HECW2: variants seen among roughly 807,000 people sequenced by gnomAD.
HECW2 encodes the protein E3 ubiquitin-protein ligase HECW2.
In HECW2, 61 loss-of-function variants were observed where a neutral mutation model predicts 175.2. The observed-to-expected ratio is 0.35, with a 90% CI of 0.28 to 0.43. The LOEUF is 0.43. HECW2 is among the 20% of genes least tolerant of loss of function. The pLI, the probability that HECW2 is intolerant of heterozygous loss-of-function variation, is 1.00. For missense variants in HECW2, 1,524 were observed against 2,000.5 expected (o/e 0.76, Z 4.54); for synonymous variants, 671 against 731.0 (o/e 0.92, Z 1.32).
chr2:196,475,265 C>G (rs1686530637), intron 1 of HECW2, among the ~76,000 whole-genome samples: 1 of 151,274 alleles, frequency 6.6e-6, no homozygotes, highest in Non-Finnish European at 1.5e-5. Flanking sequence ...ACCATTTATG[C>G]TAGAATTCCT....
intron 2 of HECW2, among the ~76,000 whole-genome samples, chr2:196,408,886 C>T (rs1171589344): frequency 6.6e-6 from 1 of 152,176 alleles, no homozygotes; most frequent in African/African-American, 2.4e-5. Flanking sequence ...TCTCCCATCG[C>T]CATAAGGGGC....
intron 1 of HECW2, among the ~76,000 whole-genome samples, chr2:196,555,158 G>C (rs1305640015): frequency 6.6e-6 from 1 of 152,054 alleles, no homozygotes; most frequent in Non-Finnish European, 1.5e-5. Context: ...TTTCTGTTTG[G>C]ACTGCTATAA....
intron 1 of HECW2, among the ~76,000 whole-genome samples, chr2:196,551,594 GTATAA>G (rs1221097191): frequency 1.3e-5 from 2 of 151,950 alleles, no homozygotes; most frequent in Admixed American, 6.6e-5. Context: ...CTTTATACTG[GTATAA>G]TATAATTTTT....
intron 10 of HECW2, among the ~76,000 whole-genome samples, chr2:196,309,263 A>G (rs1394132274): frequency 6.6e-6 from 1 of 152,210 alleles, no homozygotes; most frequent in African/African-American, 2.4e-5. Flanking sequence ...AGGAGCAGAA[A>G]GACATCTTTT....
At chr2:196,475,686 C>A (rs571721555) in intron 1 of HECW2, among the ~76,000 whole-genome samples, 1 of 152,342 alleles carries the variant, frequency 6.6e-6, no homozygotes, top group African/African-American at 2.4e-5. Context: ...CTTTCTAAAG[C>A]ACTGCAATAA....
intron 2 of HECW2, among the ~76,000 whole-genome samples, chr2:196,359,287 A>C (rs930693178): frequency 2.0e-5 from 3 of 152,150 alleles, no homozygotes; most frequent in Non-Finnish European, 4.4e-5. Flanking sequence ...GTTTCTACTG[A>C]AAATACAAAA....
At chr2:196,498,961 C>A (rs939353715) in intron 1 of HECW2, among the ~76,000 whole-genome samples, 17 of 152,262 alleles carry the variant, frequency 1.1e-4, no homozygotes, top group African/African-American at 4.1e-4. Context: ...TGACTCAGCA[C>A]AAGAAGACAG....
At chr2:196,288,303 T>TA (rs1454077802) in intron 14 of HECW2, 1 of 152,152 alleles carries the variant, frequency 6.6e-6, no homozygotes, top group African/African-American at 2.4e-5. Context: ...ATTCCACTGA[T>TA]ACAGCAAGAG....
chr2:196,281,425 C>T (rs1306588543), intron 14 of HECW2, among the ~76,000 whole-genome samples: 1 of 151,932 alleles, frequency 6.6e-6, no homozygotes, highest in Non-Finnish European at 1.5e-5. Context: ...ATCGCTTGAG[C>T]TCAGAAGTTC....
chr2:196,412,679 T>G (rs79607798), intron 2 of HECW2, among the ~76,000 whole-genome samples: 14 of 152,250 alleles, frequency 9.2e-5, no homozygotes, highest in African/African-American at 3.4e-4. Flanking sequence ...TACTGCCACA[T>G]CTTGATGCTA....
At chr2:196,481,633 T>C (rs1686847586) in intron 1 of HECW2, among the ~76,000 whole-genome samples, 1 of 152,242 alleles carries the variant, frequency 6.6e-6, no homozygotes, top group Non-Finnish European at 1.5e-5. Flanking sequence ...CGGACTTTCA[T>C]AAAACAAGCT....
intron 2 of HECW2, among the ~76,000 whole-genome samples, chr2:196,422,735 T>A (rs963471365): frequency 6.6e-6 from 1 of 152,188 alleles, no homozygotes; most frequent in African/African-American, 2.4e-5. Context: ...TCTTACTTTC[T>A]AAGAGCATTT....
intron 1 of HECW2, among the ~76,000 whole-genome samples, chr2:196,570,448 A>T (rs770428657): frequency 3.3e-5 from 5 of 152,208 alleles, no homozygotes; most frequent in Admixed American, 6.5e-5. Flanking sequence ...AACTATCACA[A>T]GGACAGAAAC....
intron 17 of HECW2, among the ~76,000 whole-genome samples, chr2:196,259,041 T>C (rs1575311313): frequency 6.6e-6 from 1 of 152,222 alleles, no homozygotes; most frequent in Non-Finnish European, 1.5e-5. Context: ...TGGCATGATC[T>C]TGGCTCACTG....
chr2:196,372,034 C>T (rs1349638070), intron 2 of HECW2, among the ~76,000 whole-genome samples: 4 of 152,140 alleles, frequency 2.6e-5, no homozygotes, highest in African/African-American at 4.8e-5. Context: ...TGAGTCTTAA[C>T]ATTTGAGGAT....
chr2:196,312,508 C>T (rs1238940362), intron 10 of HECW2, among the ~76,000 whole-genome samples: 1 of 152,042 alleles, frequency 6.6e-6, no homozygotes, highest in African/African-American at 2.4e-5. Context: ...AAGTAAAATT[C>T]CATTTGTATA....
Position 196,318,624 on chromosome 2 carries a change from C to G in HECW2, c.2266G>C (p.Glu756Gln). ...TGGGCCTCCCCAGCACTGCCTTCTT[C>G]TTGCGGTGGGCTCTCGGCAGCAGCT... The part of the protein sequence containing the change: ...AAAAAESPPQ[E>Q]EGSAGEAQGT... Residue 756 changes from glutamate to glutamine, a missense_variant, in exon 9 of 29, where the codon GAA (glutamate) becomes CAA (glutamine). Transcript: ENST00000644978. 1 of 1,589,156 alleles carries G rather than the reference C, an allele frequency of 6.3e-7. No homozygotes were observed.
At position 196,433,305 on chromosome 2, in the gene HECW2, T is replaced by C. The variant is rs764097714; in HGVS notation, c.119A>G (p.Asn40Ser). Residue 40 changes from asparagine (N) to serine (S), a missense_variant, in exon 2 of 29, where the codon AAC becomes AGC. Asn to Ser is a conservative substitution (Grantham distance 46). Transcript: ENST00000644978. ...SLAAQSSMPENMTLQRANSDT... is the reference protein window; with the variant it reads ...SLAAQSSMPESMTLQRANSDT... ...GCTGTTGGCCCGCTGCAGGGTCATG[T>C]TCTCTGGCATGGAGCTCTGGGCGGC... 4 of 1,614,162 alleles carry C rather than the reference T, an allele frequency of 2.5e-6. No individual in the cohort carries two copies. In the South Asian group the frequency reaches 4.4e-5, roughly 18 times the overall value.
At chr2:196,473,998 A>G (rs1697322149) in intron 1 of HECW2, among the ~76,000 whole-genome samples, 1 of 152,230 alleles carries the variant, frequency 6.6e-6, no homozygotes. Context: ...TTCAGGAGGC[A>G]GAAAAGAAAA....
Sources: gnomAD v4.1 joint callset for allele counts (sites outside exome capture counted in the v4.1 genomes callset) on GRCh38, gnomAD v4.1.1 for gene constraint, MANE v1.5 for transcripts, NCBI Gene and HGNC (gene_info 2026-07-23, HGNC 2026-07-21) for gene names.